The following CNTN4 variants were observed in gnomAD, a reference collection of about 807,000 sequenced individuals.
CNTN4 encodes contactin-4.
A neutral mutation model predicts 122.5 loss-of-function variants in CNTN4; 77 were observed. The observed-to-expected ratio is 0.63, with a 90% CI of 0.52 to 0.76. The LOEUF is 0.76. Ranked by LOEUF, CNTN4 falls within the 30% of genes least tolerant of loss-of-function variation. CNTN4 has a pLI of 0.00. For missense variants in CNTN4, 1,256 were observed against 1,259.1 expected (o/e 1.00, Z 0.04); for synonymous variants, 512 against 447.0 (o/e 1.15, Z -1.83).
intron 14 of CNTN4, among the ~76,000 whole-genome samples, chr3:3,007,652 T>C (rs1696789267): frequency 6.6e-6 from 1 of 152,192 alleles, no homozygotes; most frequent in South Asian, 2.1e-4. Context: ...CGTTACCCTA[T>C]TAAAAAGAGA....
chr3:2,568,859 C>A (rs920808791), intron 3 of CNTN4, among the ~76,000 whole-genome samples: 2 of 152,218 alleles, frequency 1.3e-5, no homozygotes, highest in African/African-American at 4.8e-5. Context: ...ACTATCATAT[C>A]ATGAACTAAA....
chr3:2,678,720 G>A (rs1030700256), intron 4 of CNTN4, among the ~76,000 whole-genome samples: 1 of 152,096 alleles, frequency 6.6e-6, no homozygotes, highest in Non-Finnish European at 1.5e-5. Flanking sequence ...ATAGAATTTG[G>A]CCCCTCCAAA....
intron 6 of CNTN4, among the ~76,000 whole-genome samples, chr3:2,774,460 T>C (rs1559488656): frequency 6.6e-6 from 1 of 152,154 alleles, no homozygotes; most frequent in Non-Finnish European, 1.5e-5. Flanking sequence ...CAAACACTTT[T>C]CTTTCCTTGT....
At chr3:2,133,624 G>T (rs943575022) in intron 2 of CNTN4, among the ~76,000 whole-genome samples, 2 of 152,092 alleles carry the variant, frequency 1.3e-5, no homozygotes, top group African/African-American at 4.8e-5. Context: ...ATTTTAGGTA[G>T]TAACATTATC....
intron 14 of CNTN4, among the ~76,000 whole-genome samples, chr3:3,014,738 T>C (rs1036021100): frequency 2.6e-5 from 4 of 151,910 alleles, no homozygotes; most frequent in African/African-American, 9.7e-5. Flanking sequence ...TTATATTAGA[T>C]TAGATCTAAC....
intron 3 of CNTN4, among the ~76,000 whole-genome samples, chr3:2,393,035 C>T (rs1010240805): frequency 6.6e-6 from 1 of 152,128 alleles, no homozygotes; most frequent in African/African-American, 2.4e-5. Context: ...TGTTAGAAGG[C>T]CAAAATCCAA....
intron 3 of CNTN4, among the ~76,000 whole-genome samples, chr3:2,569,603 T>C (rs1345189151): frequency 6.6e-6 from 1 of 152,028 alleles, no homozygotes; most frequent in Non-Finnish European, 1.5e-5. Flanking sequence ...CAATGTAGGG[T>C]GCTGCAGAGT....
At chr3:2,319,177 C>G (rs1358696260) in intron 2 of CNTN4, among the ~76,000 whole-genome samples, 3 of 152,072 alleles carry the variant, frequency 2.0e-5, no homozygotes, top group Admixed American at 6.6e-5. Flanking sequence ...CAAATGCATA[C>G]TAGGCTTTTA....
intron 12 of CNTN4, among the ~76,000 whole-genome samples, chr3:2,906,290 T>A (rs2094231289): frequency 6.6e-6 from 1 of 152,170 alleles, no homozygotes; most frequent in Non-Finnish European, 1.5e-5. Context: ...TTATAGTTAA[T>A]AACAAGATAT....
intron 14 of CNTN4, among the ~76,000 whole-genome samples, chr3:3,006,380 C>A (rs927816736): frequency 6.6e-6 from 1 of 152,054 alleles, no homozygotes; most frequent in Admixed American, 6.5e-5. Flanking sequence ...AATGAAAGGA[C>A]CACATGACCA....
chr3:2,175,726 G>T (rs1303656224), intron 2 of CNTN4, among the ~76,000 whole-genome samples: 3 of 152,068 alleles, frequency 2.0e-5, no homozygotes, highest in African/African-American at 4.8e-5. Flanking sequence ...CTTAATAAGT[G>T]ACTTGGTAAG....
intron 8 of CNTN4, among the ~76,000 whole-genome samples, chr3:2,870,165 A>G (rs1481420363): frequency 2.0e-5 from 3 of 152,226 alleles, no homozygotes; most frequent in Non-Finnish European, 2.9e-5. Flanking sequence ...CAGAATCATC[A>G]TGTACACTTC....
chr3:2,919,863 A>G (rs2094410023), intron 12 of CNTN4, among the ~76,000 whole-genome samples: 1 of 152,200 alleles, frequency 6.6e-6, no homozygotes, highest in Non-Finnish European at 1.5e-5. Flanking sequence ...ATTTTAATCA[A>G]CATGTTGATT....
At chr3:2,531,758 T>C (rs900051414) in intron 3 of CNTN4, among the ~76,000 whole-genome samples, 36 of 152,272 alleles carry the variant, frequency 2.4e-4, no homozygotes, top group African/African-American at 7.5e-4. Context: ...ATCTCCCCCA[T>C]ATTAATGGTG....
chr3:2,119,404 T>A lies in CNTN4; in HGVS notation c.-145+18765T>A, dbSNP rs185703753. 3.0e-3 allele frequency among the ~76,000 whole-genome samples: 458 copies of A among 152,358 alleles called. 3 individuals are homozygous for A. The highest frequency in any genetic ancestry group is 0.011 in the African/African-American group (442 of 41,592). Reference sequence around the variant, plus strand: ...TTCTCCCTGTATGAGAAAGTTTCTCTAGCTGTTTTTAGAATAATTTTATTT... The same window carrying A: ...TTCTCCCTGTATGAGAAAGTTTCTCAAGCTGTTTTTAGAATAATTTTATTT... On this transcript the variant is annotated intron_variant, in intron 2 of 24. Transcript: ENST00000418658.
intron 2 of CNTN4, among the ~76,000 whole-genome samples, chr3:2,298,320 C>G (rs747486892): frequency 3.1e-4 from 47 of 151,978 alleles, no homozygotes; most frequent in Non-Finnish European, 5.6e-4. Flanking sequence ...ATTTTCACAC[C>G]TGGCTTTTGT....
intron 4 of CNTN4, among the ~76,000 whole-genome samples, chr3:2,716,060 G>A (rs1307391059): frequency 1.3e-5 from 2 of 151,990 alleles, no homozygotes; most frequent in African/African-American, 4.8e-5. Context: ...AACCTCCTGG[G>A]CTCAAACGAT....
intron 13 of CNTN4, 84 bp downstream of exon 13, chr3:2,925,863 G>A: frequency 8.4e-7 from 1 of 1,193,822 alleles, no homozygotes; most frequent in South Asian, 1.2e-5. Context: ...GGGAAGGTGG[G>A]GTGACTATCT....
chr3:2,791,183 A>T (rs1465015402), intron 6 of CNTN4, among the ~76,000 whole-genome samples: 2 of 152,176 alleles, frequency 1.3e-5, no homozygotes, highest in Non-Finnish European at 2.9e-5. Flanking sequence ...AATTATGCAA[A>T]TAATGGTGGT....
Sources: allele counts gnomAD v4.1 joint callset (sites outside exome capture counted in the v4.1 genomes callset), GRCh38; gene constraint gnomAD v4.1.1; transcripts MANE v1.5; gene names NCBI Gene and HGNC (gene_info 2026-07-23, HGNC 2026-07-21).